Variants in LANCL3 observed in about 807,000 individuals in gnomAD.
LANCL3 encodes the protein LanC like family member 3.
In LANCL3, 19 loss-of-function variants were observed where a neutral mutation model predicts 26.5. That is an observed-to-expected ratio of 0.72 (90% CI 0.50 to 1.05). The LOEUF (loss-of-function observed/expected upper bound fraction) is 1.05. Ranked by LOEUF, LANCL3 falls within the 50% of genes least tolerant of loss-of-function variation. The pLI is 0.00. For missense variants in LANCL3, 318 were observed against 362.7 expected, an observed-to-expected ratio of 0.88 and a Z score of 1.00; for synonymous variants, 160 against 166.6, an observed-to-expected ratio of 0.96 and a Z score of 0.30.
In LANCL3 at chrX:37,659,496, G is replaced by A; in HGVS notation, c.732G>A (p.Met244Ile). 2 of 1,210,473 alleles carry A rather than the reference G, an allele frequency of 1.7e-6. No homozygotes were observed. Among genetic ancestry groups the A allele is most frequent in the South Asian group, 3.5e-5 (2 of 56,851 alleles). The change falls in exon 3 of 5, where the codon ATG (methionine) becomes ATA (isoleucine). Residue 244 changes from methionine to isoleucine, a missense_variant. By Grantham distance (10) the Met-to-Ile change is conservative. Transcript: ENST00000378619. ...AAHGLSSILQMLLSYHEHLKP... is the reference protein window; with the variant it reads ...AAHGLSSILQILLSYHEHLKP... Reference sequence around the variant, plus strand: ...ACGGCTTGTCGTCTATTCTTCAGATGCTTCTTTCTTACCATGAGCATCTCA... The same window carrying A: ...ACGGCTTGTCGTCTATTCTTCAGATACTTCTTTCTTACCATGAGCATCTCA...
At chrX:37,663,390 C>T (rs1926466399) in intron 3 of LANCL3, among the ~76,000 whole-genome samples, 1 of 111,617 alleles carries the variant, frequency 9.0e-6, no homozygotes, top group African/African-American at 3.3e-5. Flanking sequence ...TTAGCCAGAT[C>T]AAGAAAGGTA....
At position 37,596,622 on chromosome X, in the gene LANCL3, AT is replaced by A. The variant is rs781918553; in HGVS notation, c.573+24184del. ...TTCAGTATGTTCACAGTGTCTTCTG[AT>A]TTTTGATTGCCAGGAATTCCTTTGT... On this transcript the variant is annotated intron_variant, in intron 1 of 4. Transcript: ENST00000378619. Among the ~76,000 whole-genome samples, 900 of 111,589 alleles carry A rather than the reference AT, an allele frequency of 8.1e-3. 5 individuals carry two copies. Among genetic ancestry groups the A allele is most frequent in the African/African-American group, 0.028 (853 of 30,746 alleles).
At chrX:37,627,854 G>C (rs1331762866) in intron 1 of LANCL3, among the ~76,000 whole-genome samples, 1 of 111,929 alleles carries the variant, frequency 8.9e-6, no homozygotes, top group Non-Finnish European at 1.9e-5. Context: ...CAGTATCTTT[G>C]TTGACTGGTA....
intron 1 of LANCL3, among the ~76,000 whole-genome samples, chrX:37,572,776 T>G (rs1923641261): frequency 8.9e-6 from 1 of 111,936 alleles, no homozygotes; most frequent in Non-Finnish European, 1.9e-5. Context: ...TGGAAGGGAT[T>G]TCCTTTCCTT....
chrX:37,640,382 A>T (rs1200611913), intron 1 of LANCL3, among the ~76,000 whole-genome samples: 4 of 111,226 alleles, frequency 3.6e-5, no homozygotes, highest in Non-Finnish European at 5.7e-5. Flanking sequence ...GAAAACTGAG[A>T]TCTGAGAACA....
In LANCL3 at chrX:37,653,069, C is replaced by T. The variant is rs139554579; in HGVS notation, c.574-2619C>T. On this transcript the variant is annotated intron_variant, in intron 1 of 4. Transcript: ENST00000378619. ...ACTGGTCTCTATCCAGCCGAACAAGCGCCGGTTTCTCTTTGTTTTTCACAG... is the reference window on the plus strand; with the variant it reads ...ACTGGTCTCTATCCAGCCGAACAAGTGCCGGTTTCTCTTTGTTTTTCACAG... Among the ~76,000 whole-genome samples, 278 of 111,125 alleles carry T rather than the reference C, an allele frequency of 2.5e-3. 1 individual carries two copies. The highest frequency in any genetic ancestry group is 8.5e-3 in the African/African-American group (260 of 30,545).
chrX:37,617,903 T>A (rs906498003), intron 1 of LANCL3, among the ~76,000 whole-genome samples: 2 of 111,603 alleles, frequency 1.8e-5, no homozygotes, highest in Non-Finnish European at 3.8e-5. Flanking sequence ...TTAAAAAAAA[T>A]CTGTGGAACC....
chrX:37,640,618 G>C (rs186960334), intron 1 of LANCL3, among the ~76,000 whole-genome samples: 1 of 111,668 alleles, frequency 9.0e-6, no homozygotes, highest in African/African-American at 3.3e-5. Flanking sequence ...CTTTGTCTAA[G>C]ACAAAGACCT....
intron 4 of LANCL3, among the ~76,000 whole-genome samples, chrX:37,668,946 A>C (rs1208993834): frequency 8.9e-6 from 1 of 112,177 alleles, no homozygotes; most frequent in Non-Finnish European, 1.9e-5. Context: ...AATAGTGCCT[A>C]CCTCATAGGG....
intron 1 of LANCL3, among the ~76,000 whole-genome samples, chrX:37,591,353 T>C (rs1924271202): frequency 9.0e-6 from 1 of 111,476 alleles, no homozygotes; most frequent in Admixed American, 9.5e-5. Flanking sequence ...GAATTAGAGG[T>C]TCTAGGCATC....
At chrX:37,581,787 A>AT (rs1232443376) in intron 1 of LANCL3, among the ~76,000 whole-genome samples, 2 of 111,464 alleles carry the variant, frequency 1.8e-5, no homozygotes, top group African/African-American at 3.3e-5. Context: ...TTGTATTATA[A>AT]TTTTTTTATT....
chrX:37,577,826 G>C (rs1478462554), intron 1 of LANCL3, among the ~76,000 whole-genome samples: 1 of 112,186 alleles, frequency 8.9e-6, no homozygotes, highest in Non-Finnish European at 1.9e-5. Context: ...ACAAATTATT[G>C]CAAAGTTGTT....
intron 1 of LANCL3, among the ~76,000 whole-genome samples, chrX:37,612,832 G>A (rs1201279586): frequency 8.9e-6 from 1 of 111,874 alleles, no homozygotes; most frequent in East Asian, 2.8e-4. Flanking sequence ...ATAGAAGGCT[G>A]TTTTGAGCTT....
Position 37,593,184 on chromosome X carries a change from G to A in LANCL3, c.573+20741G>A, listed in dbSNP as rs782319852. 4.1e-4 allele frequency among the ~76,000 whole-genome samples: 46 copies of A among 111,241 alleles called. 1 individual carries two copies. The East Asian group carries it at 0.013, about 32-fold the overall frequency. On this transcript the variant is annotated intron_variant, in intron 1 of 4. Coordinates refer to ENST00000378619, the MANE Select transcript of LANCL3 (RefSeq NM_001170331.2). Reference sequence around the variant, plus strand: ...AAAATATGGGATCACAAAACCTGAGGCCCCAATACCAGTGGGGCCACAGGG... The same window carrying A: ...AAAATATGGGATCACAAAACCTGAGACCCCAATACCAGTGGGGCCACAGGG...
chrX:37,645,646 A>G (rs1925967627), intron 1 of LANCL3, among the ~76,000 whole-genome samples: 1 of 112,213 alleles, frequency 8.9e-6, no homozygotes, highest in South Asian at 3.7e-4. Context: ...GCTGCCTTGA[A>G]TGTCGTTGGG....
chrX:37,636,288 T>C (rs1556425333), intron 1 of LANCL3, among the ~76,000 whole-genome samples: 1 of 111,994 alleles, frequency 8.9e-6, no homozygotes, highest in Non-Finnish European at 1.9e-5. Flanking sequence ...TGTGCATGTG[T>C]CTTTATGATA....
At chrX:37,592,385 A>G (rs1314464142) in intron 1 of LANCL3, among the ~76,000 whole-genome samples, 2 of 112,541 alleles carry the variant, frequency 1.8e-5, no homozygotes, top group Non-Finnish European at 3.7e-5. Flanking sequence ...AGGAACGGTC[A>G]TTCAAAAGAC....
intron 1 of LANCL3, among the ~76,000 whole-genome samples, chrX:37,654,432 C>A (rs1213714430): frequency 6.2e-5 from 7 of 112,238 alleles, no homozygotes; most frequent in Non-Finnish European, 1.3e-4. Flanking sequence ...CAGATTCATT[C>A]AATCAGACTA....
At chrX:37,586,612 G>A (rs1163420073) in intron 1 of LANCL3, among the ~76,000 whole-genome samples, 3 of 111,647 alleles carry the variant, frequency 2.7e-5, no homozygotes, top group Non-Finnish European at 1.9e-5. Context: ...TTGTGCATTC[G>A]TCACGTAGTT....
Sources: gnomAD v4.1 joint callset for allele counts (sites outside exome capture counted in the v4.1 genomes callset) on GRCh38, gnomAD v4.1.1 for gene constraint, MANE v1.5 for transcripts, NCBI Gene and HGNC (gene_info 2026-07-23, HGNC 2026-07-21) for gene names.